The following UNC5B variants were observed in gnomAD, a reference collection of about 807,000 sequenced individuals.
The protein encoded by UNC5B is netrin receptor UNC5B.
A neutral mutation model predicts 103.7 loss-of-function variants in UNC5B; 56 were observed. That is an observed-to-expected ratio of 0.54 (90% CI 0.44 to 0.67). The LOEUF (loss-of-function observed/expected upper bound fraction) is 0.67. Among genes scored for constraint, UNC5B ranks in the 30% least tolerant of loss-of-function variants. The pLI, the probability that UNC5B is intolerant of heterozygous loss-of-function variation, is 0.00. For missense variants in UNC5B, 1,194 were observed against 1,284.5 expected, an observed-to-expected ratio of 0.93 and a Z score of 1.08; for synonymous variants, 577 against 542.0, an observed-to-expected ratio of 1.06 and a Z score of -0.90.
chr10:71,221,347 G>A (rs761809989), intron 1 of UNC5B, among the ~76,000 whole-genome samples: 17 of 152,172 alleles, frequency 1.1e-4, no homozygotes, highest in Admixed American at 2.6e-4. Flanking sequence ...CACCCACTCC[G>A]AAGCTCAAGT....
intron 1 of UNC5B, among the ~76,000 whole-genome samples, chr10:71,260,829 T>C (rs573035302): frequency 2.0e-5 from 3 of 152,168 alleles, no homozygotes; most frequent in African/African-American, 7.2e-5. Context: ...TGGAGCCAGG[T>C]TTTCAGGCTG....
intron 1 of UNC5B, among the ~76,000 whole-genome samples, chr10:71,262,117 C>T (rs939409871): frequency 6.6e-6 from 1 of 152,156 alleles, no homozygotes; most frequent in Non-Finnish European, 1.5e-5. Flanking sequence ...CCATAAACTC[C>T]TGGTCCCTTC....
intron 1 of UNC5B, among the ~76,000 whole-genome samples, chr10:71,223,228 G>T (rs16928529): frequency 0.57 from 86,596 of 152,012 alleles, 25,877 homozygotes; most frequent in South Asian, 0.75. Context: ...TGGCTCACTC[G>T]TGTGGATTCC....
chr10:71,214,316 G>C (rs1554858507), intron 1 of UNC5B, among the ~76,000 whole-genome samples: 1 of 152,090 alleles, frequency 6.6e-6, no homozygotes, highest in Non-Finnish European at 1.5e-5. Flanking sequence ...CCAGGAGTGA[G>C]GGCTTGGCTT....
chr10:71,273,280 T>G (rs1275769112), intron 1 of UNC5B, among the ~76,000 whole-genome samples: 1 of 152,250 alleles, frequency 6.6e-6, no homozygotes, highest in African/African-American at 2.4e-5. Flanking sequence ...GAACTGCTAG[T>G]CACTTCTTTA....
At chr10:71,286,590 G>A in intron 4 of UNC5B, 99 bp from the exon 5 acceptor site, 17 of 1,472,234 alleles carry the variant, frequency 1.2e-5, no homozygotes, top group Non-Finnish European at 1.6e-5. Flanking sequence ...CTGCCTCACT[G>A]CCACGACTAT....
In UNC5B at chr10:71,287,667, A is replaced by C. The variant is rs1413834066; in HGVS notation, c.803A>C (p.Lys268Thr). 4.3e-6 allele frequency: 7 copies of C among 1,612,974 alleles called. No individual in the cohort carries two copies. The highest frequency in any genetic ancestry group is 5.9e-6 in the Non-Finnish European group (7 of 1,179,600). The change falls in exon 6 of 17, where the codon AAG becomes ACG. Residue 268 changes from lysine to threonine, a missense_variant. By Grantham distance (78) the Lys-to-Thr change is moderately conservative. Coordinates refer to ENST00000335350, the MANE Select transcript of UNC5B (RefSeq NM_170744.5). Reference protein sequence around the residue: ...CSNRCGRGWQKRTRTCTNPAP... With the variant: ...CSNRCGRGWQTRTRTCTNPAP... ...AACCGCTGTGGCCGAGGCTGGCAGA[A>C]GCGCACCCGGACCTGCACCAACCCC... is the stretch of plus-strand genomic sequence containing the variant.
Position 71,293,438 on chromosome 10 carries a change from C to T in UNC5B, c.1806C>T (p.Ser602=). ...CAGAAGGGACCCAGACAGTATTGAGCCCCTCGGTGACCTGTGGACCCACAG... is the reference window on the plus strand; with the variant it reads ...CAGAAGGGACCCAGACAGTATTGAGTCCCTCGGTGACCTGTGGACCCACAG... ...PLSEGTQTVL[S]PSVTCGPTGL... Residue 602 remains serine, a synonymous_variant, in exon 12 of 17, where the codon AGC becomes AGT. Transcript: ENST00000335350. 2 of 1,613,930 alleles carry T rather than the reference C, an allele frequency of 1.2e-6. No individual in the cohort carries two copies. The highest frequency in any genetic ancestry group is 1.7e-6 in the Non-Finnish European group (2 of 1,179,944).
chr10:71,243,092 G>A (rs1051492220), intron 1 of UNC5B, among the ~76,000 whole-genome samples: 17 of 152,204 alleles, frequency 1.1e-4, no homozygotes, highest in South Asian at 8.3e-4. Flanking sequence ...AAAATTAGCC[G>A]GGCATGGTGG....
intron 3 of UNC5B, 39 bp from the exon 4 acceptor site, chr10:71,285,287 C>G: frequency 6.4e-7 from 1 of 1,569,574 alleles, no homozygotes; most frequent in South Asian, 1.2e-5. Flanking sequence ...CTGATCCTGC[C>G]CGCACCTGAC....
intron 1 of UNC5B, among the ~76,000 whole-genome samples, chr10:71,273,697 G>GCTCCA (rs1652867874): frequency 6.6e-6 from 1 of 152,232 alleles, no homozygotes; most frequent in East Asian, 1.9e-4. Flanking sequence ...TGTCCGACAA[G>GCTCCA]CTCCACTCCA....
chr10:71,282,340 A>T (rs1186631407), intron 2 of UNC5B, among the ~76,000 whole-genome samples: 1 of 152,150 alleles, frequency 6.6e-6, no homozygotes, highest in Non-Finnish European at 1.5e-5. Context: ...TGGGCCAGGC[A>T]TTGCCATGCT....
rs759660965 is a variant in UNC5B, at chr10:71,284,793, C to T, written c.378C>T (p.Tyr126=). The part of the protein sequence containing the change: ...QVEELFGLED[Y]WCQCVAWSSA... ...AGGAGCTCTTTGGGCTGGAGGATTA[C>T]TGGTGCCAGTGCGTGGCCTGGAGCT... The change falls in exon 3 of 17, where the codon TAC becomes TAT. Residue 126 remains tyrosine, a synonymous_variant. Coordinates refer to ENST00000335350, the MANE Select transcript of UNC5B (RefSeq NM_170744.5). The T allele has an allele frequency of 1.2e-6, 2 of 1,613,928 alleles. No homozygotes were observed. The highest frequency in any genetic ancestry group is 1.1e-5 in the South Asian group (1 of 91,074).
At chr10:71,268,750 G>T (rs369407266) in intron 1 of UNC5B, among the ~76,000 whole-genome samples, 4 of 152,226 alleles carry the variant, frequency 2.6e-5, no homozygotes, top group African/African-American at 9.6e-5. Context: ...TTTCAGGGCG[G>T]CATGGGGATG....
chr10:71,236,686 G>A (rs1469987025), intron 1 of UNC5B, among the ~76,000 whole-genome samples: 3 of 152,228 alleles, frequency 2.0e-5, no homozygotes, highest in Non-Finnish European at 4.4e-5. Flanking sequence ...GAGACTCCCT[G>A]GCTCTTGCCA....
chr10:71,242,396 G>C (rs2132260407), intron 1 of UNC5B, among the ~76,000 whole-genome samples: 1 of 152,348 alleles, frequency 6.6e-6, no homozygotes, highest in South Asian at 2.1e-4. Context: ...AGGAAAGACT[G>C]CTGAGGGAGA....
intron 1 of UNC5B, among the ~76,000 whole-genome samples, chr10:71,265,343 C>T (rs1032224107): frequency 6.6e-6 from 1 of 152,258 alleles, no homozygotes; most frequent in Non-Finnish European, 1.5e-5. Context: ...ACTGGGGGCC[C>T]GGGTAACAGA....
chr10:71,231,569 G>A (rs7893534), intron 1 of UNC5B, among the ~76,000 whole-genome samples: 70,054 of 152,018 alleles, frequency 0.46, 16,561 homozygotes, highest in African/African-American at 0.54. Context: ...TGCTCAGAAC[G>A]GTGCCCAGCA....
intron 2 of UNC5B, among the ~76,000 whole-genome samples, chr10:71,283,714 G>C (rs1387476279): frequency 6.6e-6 from 1 of 152,184 alleles, no homozygotes; most frequent in Non-Finnish European, 1.5e-5. Context: ...CCTTTCCTGA[G>C]CATGGAGGGC....
Sources: allele counts gnomAD v4.1 joint callset (sites outside exome capture counted in the v4.1 genomes callset), GRCh38; gene constraint gnomAD v4.1.1; transcripts MANE v1.5; gene names NCBI Gene and HGNC (gene_info 2026-07-23, HGNC 2026-07-21).